Variants in PRKCSH observed in about 807,000 individuals in gnomAD.
PRKCSH encodes the protein PRKCSH beta subunit of glucosidase II.
PRKCSH carries 42 observed loss-of-function variants against 79.7 expected under a neutral mutation model. The ratio of observed to expected loss-of-function variants is 0.53; its 90% confidence interval spans 0.41 to 0.68. The LOEUF (loss-of-function observed/expected upper bound fraction) is 0.68. Among genes scored for constraint, PRKCSH ranks in the 30% least tolerant of loss-of-function variants. The pLI is 0.00. For missense variants in PRKCSH, 686 were observed against 709.0 expected (o/e 0.97, Z 0.37); for synonymous variants, 325 against 288.2 (o/e 1.13, Z -1.29).
rs553811761 is a variant in PRKCSH, at chr19:11,447,011, G to A, written c.763-63G>A. The A allele has an allele frequency of 1.0e-4, 163 of 1,559,716 alleles. No homozygotes were observed. In the South Asian group the frequency reaches 1.6e-3, roughly 16 times the overall value. Reference sequence around the variant, plus strand: ...TGCCTGGCACCGCAGCCCGGGTGCCGGGGTGGCCGAGATGGGGGACACGTG... The same window carrying A: ...TGCCTGGCACCGCAGCCCGGGTGCCAGGGTGGCCGAGATGGGGGACACGTG... On this transcript the variant is annotated intron_variant, in intron 9 of 17. Transcript: ENST00000677123. This position sits in a 1 kb window ranked among gnomAD's most constrained non-coding sequence, Gnocchi z 5.6.
Position 11,448,528 on chromosome 19 carries a change from C to T in PRKCSH, c.1197-12C>T, listed in dbSNP as rs760867880. 6.2e-7 allele frequency: 1 copy of T among 1,613,330 alleles called. No homozygotes were observed. Among genetic ancestry groups the T allele is most frequent in the South Asian group, 1.1e-5 (1 of 91,074 alleles). ...CCCAGCTGCCCCTTAACCGCTCCGC[C>T]TCCCCTTCCAGGAACCTGGAGCAAG... On this transcript the variant is annotated splice_polypyrimidine_tract_variant and intron_variant, in intron 13 of 17. Transcript: ENST00000677123. This position sits in a 1 kb window ranked among gnomAD's most constrained non-coding sequence, Gnocchi z 4.4.
rs973571335 is a variant in PRKCSH, at chr19:11,435,705, G to T, written c.-79G>T. The T allele has an allele frequency of 4.8e-5, 63 of 1,318,996 alleles. No homozygotes were observed. In the Admixed American group the frequency reaches 7.7e-4, roughly 16 times the overall value. 81.7% of individuals were successfully genotyped at this position (1,318,996 alleles called of 1,614,324 possible). A position where few individuals can be genotyped will look rare whatever the true frequency, so the allele number is the denominator to read the frequency against. On this transcript the variant is annotated splice_region_variant and 5_prime_UTR_variant, in exon 1 of 18. Coordinates refer to ENST00000677123, the MANE Select transcript of PRKCSH (RefSeq NM_001289104.2). ...GGATACTGACCTTTGCTCCGGCCTC[G>T]TGTAGGTGTGAACGAGCGGGTGGGA...
In PRKCSH at chr19:11,449,549, TTTTG is replaced by T; in HGVS notation, c.*16+125_*16+128del. The T allele has an allele frequency of 7.3e-7, 1 of 1,377,458 alleles. No homozygotes were observed. The highest frequency in any genetic ancestry group is 9.9e-7 in the Non-Finnish European group (1 of 1,005,330). 85.3% of individuals were successfully genotyped at this position (1,377,458 alleles called of 1,614,324 possible). A position where few individuals can be genotyped will look rare whatever the true frequency, so the allele number is the denominator to read the frequency against. On this transcript the variant is annotated intron_variant, in intron 17 of 17. Coordinates refer to ENST00000677123, the MANE Select transcript of PRKCSH (RefSeq NM_001289104.2). The surrounding 1 kb of genome is among the most constrained non-coding windows in gnomAD (Gnocchi z 6.4). Reference sequence around the variant, plus strand: ...TGTCCCCATGTTCCCTGCTTTTTTGTTTTGTTTTTTTGAGGTGGAGTCTCACTCT... The same window carrying T: ...TGTCCCCATGTTCCCTGCTTTTTTGTTTTTTTTGAGGTGGAGTCTCACTCT...
Position 11,449,465 on chromosome 19 carries a change from G to A in PRKCSH, c.*16+37G>A. On this transcript the variant is annotated intron_variant, in intron 17 of 17. Transcript: ENST00000677123. The surrounding 1 kb of genome is among the most constrained non-coding windows in gnomAD (Gnocchi z 6.4). ...GGTGGAGTCTCGTCGGCCTGCCCCA[G>A]CAAGGGGAGGCGGCGGGCCCTGAGG... 5 of 1,611,766 alleles carry A rather than the reference G, an allele frequency of 3.1e-6. No individual in the cohort carries two copies. In the South Asian group the frequency reaches 4.4e-5, roughly 14 times the overall value.
intron 6 of PRKCSH, 106 bp downstream of exon 6, chr19:11,441,463 C>A: frequency 9.9e-7 from 1 of 1,008,602 alleles, no homozygotes; most frequent in Non-Finnish European, 1.6e-6. Context: ...TGTTCTGGGG[C>A]AAGTGACTGC....
intron 5 of PRKCSH, 167 bp from the exon 6 acceptor site, chr19:11,441,073 G>C: frequency 1.3e-6 from 1 of 742,726 alleles, no homozygotes; most frequent in Non-Finnish European, 2.5e-6. Flanking sequence ...TTCAAGGACA[G>C]GAATGAAGGA....
intron 5 of PRKCSH, among the ~76,000 whole-genome samples, chr19:11,438,528 A>G (rs557086825): frequency 6.6e-6 from 1 of 152,088 alleles, no homozygotes; most frequent in East Asian, 1.9e-4. Context: ...AGGCTGAGGC[A>G]GGCGGATCAC....
At chr19:11,440,457 T>G (rs1308733428) in intron 5 of PRKCSH, among the ~76,000 whole-genome samples, 1 of 143,600 alleles carries the variant, frequency 7.0e-6, no homozygotes, top group Non-Finnish European at 1.5e-5. Context: ...TGGCCCACAC[T>G]TTTTTTTGAG....
intron 7 of PRKCSH, among the ~76,000 whole-genome samples, chr19:11,443,012 C>G (rs12977126): frequency 6.6e-6 from 1 of 151,370 alleles, no homozygotes; most frequent in Non-Finnish European, 1.5e-5. Flanking sequence ...CCGCCTACTT[C>G]CTTTTAACAT....
chr19:11,436,409 T>G lies in PRKCSH; in HGVS notation c.100T>G (p.Ser34Ala). ...SLTNHHFYDE[S>A]KPFTCLDGSA... ...CGCAGATCATCACTTCTACGATGAG[T>G]CCAAGCCTTTCACCTGCCTGGACGG... The change falls in exon 3 of 18, where the codon TCC becomes GCC. Residue 34 changes from serine to alanine, a missense_variant. Transcript: ENST00000677123. 6.2e-7 allele frequency: 1 copy of G among 1,614,108 alleles called. No homozygotes were observed. The highest frequency in any genetic ancestry group is 8.5e-7 in the Non-Finnish European group (1 of 1,180,014).
At chr19:11,441,527 GTATAATAGTT>G (rs1319762578) in intron 6 of PRKCSH, among the ~76,000 whole-genome samples, 170 bp downstream of exon 6, 6 of 152,218 alleles carry the variant, frequency 3.9e-5, no homozygotes, top group Non-Finnish European at 7.3e-5. Context: ...CATTGGCTAA[GTATAATAGTT>G]CCCGAGGGGG....
rs368003231 is a variant in PRKCSH at position 11,436,245 on chromosome 19, A to G, written c.79+49A>G. On this transcript the variant is annotated intron_variant, in intron 2 of 17. Transcript: ENST00000677123. The stretch of plus-strand genomic sequence containing the variant: ...CGCCAGGCTGGAGGTGGGAGGGGCC[A>G]ACATTGGGCCTTAGGGATAGGCATT... The G allele has an allele frequency of 1.4e-4, 221 of 1,602,038 alleles. No individual in the cohort carries two copies. In the African/African-American group the frequency reaches 2.4e-3, roughly 17 times the overall value.
chr19:11,438,895 G>A (rs1354031366), intron 5 of PRKCSH, among the ~76,000 whole-genome samples: 1 of 151,700 alleles, frequency 6.6e-6, no homozygotes, highest in Non-Finnish European at 1.5e-5. Context: ...TCATAGGCAT[G>A]ATGATTTATT....
chr19:11,445,495 C>G, intron 8 of PRKCSH, 22 bp downstream of exon 8: 2 of 1,611,438 alleles, frequency 1.2e-6, no homozygotes, highest in Non-Finnish European at 1.7e-6. Context: ...CTAGTTGGAG[C>G]TGCCCACCTT....
At chr19:11,438,382 G>A (rs530030948) in intron 5 of PRKCSH, among the ~76,000 whole-genome samples, 96 of 152,232 alleles carry the variant, frequency 6.3e-4, no homozygotes, top group African/African-American at 2.2e-3. Flanking sequence ...TAGCAGAGCC[G>A]GCACTTGGAC....
In PRKCSH at chr19:11,448,801, A is replaced by G; in HGVS notation, c.1287-113A>G. On this transcript the variant is annotated intron_variant, in intron 14 of 17. Coordinates refer to ENST00000677123, the MANE Select transcript of PRKCSH (RefSeq NM_001289104.2). This position sits in a 1 kb window ranked among gnomAD's most constrained non-coding sequence, Gnocchi z 4.4. ...CCAGGGGCCAGGTTTAGGGTTGGTCATTGGAGTTGGAGGTACCCTGTGTGT... is the reference window on the plus strand; with the variant it reads ...CCAGGGGCCAGGTTTAGGGTTGGTCGTTGGAGTTGGAGGTACCCTGTGTGT... The G allele has an allele frequency of 7.0e-7, 1 of 1,428,770 alleles. No homozygotes were observed. 88.5% of individuals were successfully genotyped at this position (1,428,770 alleles called of 1,614,324 possible).
intron 5 of PRKCSH, among the ~76,000 whole-genome samples, chr19:11,438,709 C>T (rs1232471237): frequency 5.4e-5 from 8 of 148,070 alleles, no homozygotes; most frequent in African/African-American, 1.2e-4. Flanking sequence ...GAGCCGAGAT[C>T]GCACCACTGC....
Position 11,436,477 on chromosome 19 carries a change from C to G in PRKCSH, c.168C>G (p.Cys56Trp). ...IPFDQVNDDY[C>W]DCKDGSDEPG... ...TTGATCAGGTCAACGATGACTATTGCGACTGCAAAGATGGCTCTGACGAGC... is the reference window on the plus strand; with the variant it reads ...TTGATCAGGTCAACGATGACTATTGGGACTGCAAAGATGGCTCTGACGAGC... The change falls in exon 3 of 18, where the codon TGC becomes TGG. Residue 56 changes from cysteine to tryptophan, a missense_variant. Cys to Trp is a radical substitution (Grantham distance 215). Around this residue, in one of 2 missense-constraint regions of PRKCSH, gnomAD observed 549 missense variants for 520.2 expected, o/e 1.06. Transcript: ENST00000677123. 8 of 1,613,974 alleles carry G rather than the reference C, an allele frequency of 5.0e-6. No homozygotes were observed. The highest frequency in any genetic ancestry group is 1.1e-5 in the South Asian group (1 of 91,050).
intron 4 of PRKCSH, 43 bp from the exon 5 acceptor site, chr19:11,438,024 G>A: frequency 1.2e-6 from 2 of 1,613,918 alleles, no homozygotes; most frequent in Non-Finnish European, 1.7e-6. Flanking sequence ...AGGGAGGGAG[G>A]AGGCACTGCC....
Sources: gnomAD v4.1 joint callset for allele counts (sites outside exome capture counted in the v4.1 genomes callset) on GRCh38, gnomAD v4.1.1 for gene constraint, gnomAD v4.1.1 regional missense constraint, Gnocchi (gnomAD v3.1) non-coding constraint, MANE v1.5 for transcripts, NCBI Gene and HGNC (gene_info 2026-07-23, HGNC 2026-07-21) for gene names.